CPLX1: variants seen among roughly 807,000 people sequenced by gnomAD.
CPLX1 encodes the protein complexin-1.
CPLX1 carries 6 observed loss-of-function variants against 15.6 expected under a neutral mutation model. That is an observed-to-expected ratio of 0.39 (90% CI 0.21 to 0.76). CPLX1 has a LOEUF of 0.76. Ranked by LOEUF, CPLX1 falls within the 30% of genes least tolerant of loss-of-function variation. CPLX1 has a pLI of 0.43. For missense variants in CPLX1, 242 were observed against 188.6 expected (o/e 1.28, Z -1.66); for synonymous variants, 91 against 75.2 (o/e 1.21, Z -1.08).
chr4:818,065 GA>G (rs1746794289), intron 2 of CPLX1, among the ~76,000 whole-genome samples: 1 of 152,242 alleles, frequency 6.6e-6, no homozygotes, highest in Non-Finnish European at 1.5e-5. Flanking sequence ...TGGTGTAAAA[GA>G]AGGTTGGCTT....
At chr4:824,408 G>T in intron 2 of CPLX1, 84 bp downstream of exon 2, 1 of 1,259,516 alleles carries the variant, frequency 7.9e-7, no homozygotes, top group Non-Finnish European at 1.2e-6. Context: ...GGGCGCTGCT[G>T]CGGTGGGCCA....
At chr4:824,952 G>C (rs573407997) in intron 1 of CPLX1, 5 of 364,924 alleles carry the variant, frequency 1.4e-5, no homozygotes, top group Non-Finnish European at 2.7e-5. Flanking sequence ...TCAGTGTCTG[G>C]AGCGGCGCCT....
chr4:825,151 A>G (rs2152649362), intron 1 of CPLX1, among the ~76,000 whole-genome samples: 1 of 150,436 alleles, frequency 6.6e-6, no homozygotes, highest in Admixed American at 6.6e-5. Context: ...GAGAAACTTC[A>G]GGGGGCTCAG....
chr4:816,354 G>A (rs1401584367), intron 2 of CPLX1, among the ~76,000 whole-genome samples: 1 of 151,598 alleles, frequency 6.6e-6, no homozygotes, highest in Non-Finnish European at 1.5e-5. Flanking sequence ...GAGTAGCTGG[G>A]ATTACAGGCG....
At chr4:794,481 T>G (rs769284117) in intron 2 of CPLX1, among the ~76,000 whole-genome samples, 1 of 152,214 alleles carries the variant, frequency 6.6e-6, no homozygotes, top group Non-Finnish European at 1.5e-5. Context: ...GCAAAGCAGA[T>G]TTTAGGCCCA....
intron 2 of CPLX1, among the ~76,000 whole-genome samples, chr4:801,144 C>T (rs1322618393): frequency 6.7e-6 from 1 of 150,148 alleles, no homozygotes; most frequent in South Asian, 2.1e-4. Flanking sequence ...GAAACCCCAT[C>T]TCTACTAAAA....
At chr4:792,217 G>T (rs1746197887) in intron 3 of CPLX1, among the ~76,000 whole-genome samples, 1 of 152,212 alleles carries the variant, frequency 6.6e-6, no homozygotes, top group Admixed American at 6.5e-5. Flanking sequence ...CAGGGCTGGC[G>T]CTGTGGTCAG....
intron 3 of CPLX1, chr4:787,958 G>T (rs1256137068): frequency 3.0e-6 from 3 of 985,310 alleles, no homozygotes; most frequent in Non-Finnish European, 3.6e-6. Context: ...GGACCCCCGG[G>T]CCAGGTCCAA....
chr4:807,393 G>C (rs1169806460), intron 2 of CPLX1, among the ~76,000 whole-genome samples: 2 of 152,184 alleles, frequency 1.3e-5, no homozygotes, highest in Non-Finnish European at 2.9e-5. Context: ...GTGATAGGCT[G>C]GCAGGTGCAG....
At chr4:796,636 G>C (rs763297844) in intron 2 of CPLX1, among the ~76,000 whole-genome samples, 1 of 152,044 alleles carries the variant, frequency 6.6e-6, no homozygotes, top group Non-Finnish European at 1.5e-5. Context: ...ATAAAACTAC[G>C]GGGAAAATTA....
intron 3 of CPLX1, among the ~76,000 whole-genome samples, chr4:789,099 C>T (rs2152641839): frequency 6.6e-6 from 1 of 152,338 alleles, no homozygotes; most frequent in East Asian, 1.9e-4. Flanking sequence ...CATTCTGAGG[C>T]TGAGGTCACG....
At chr4:793,868 C>T (rs1746257915) in intron 2 of CPLX1, among the ~76,000 whole-genome samples, 1 of 152,230 alleles carries the variant, frequency 6.6e-6, no homozygotes, top group Non-Finnish European at 1.5e-5. Context: ...TGAGCCCATG[C>T]CTCGGGTAGA....
At chr4:816,768 G>A (rs779639054) in intron 2 of CPLX1, among the ~76,000 whole-genome samples, 3 of 152,190 alleles carry the variant, frequency 2.0e-5, no homozygotes, top group Non-Finnish European at 4.4e-5. Flanking sequence ...GCTGCAGTGA[G>A]CTGTGATCGC....
intron 2 of CPLX1, among the ~76,000 whole-genome samples, chr4:800,030 G>C (rs900982440): frequency 1.3e-5 from 2 of 152,290 alleles, no homozygotes; most frequent in South Asian, 4.1e-4. Context: ...GTGGGATGGA[G>C]GGGGCAGCCT....
intron 2 of CPLX1, among the ~76,000 whole-genome samples, chr4:809,671 C>T (rs756140554): frequency 5.3e-5 from 8 of 152,196 alleles, no homozygotes; most frequent in African/African-American, 7.2e-5. Flanking sequence ...TCTGTTTTGA[C>T]GCATGTATAT....
chr4:805,172 G>A (rs1253997021), intron 2 of CPLX1, among the ~76,000 whole-genome samples: 1 of 152,244 alleles, frequency 6.6e-6, no homozygotes, highest in African/African-American at 2.4e-5. Flanking sequence ...TGCAGCCGGA[G>A]AGCCACAGGC....
intron 2 of CPLX1, among the ~76,000 whole-genome samples, chr4:803,149 G>A (rs745424092): frequency 2.1e-4 from 32 of 152,186 alleles, no homozygotes; most frequent in Non-Finnish European, 2.9e-4. Flanking sequence ...AAGACAGGAA[G>A]AGATAATTAA....
intron 2 of CPLX1, among the ~76,000 whole-genome samples, chr4:809,019 C>T (rs1216246713): frequency 2.0e-5 from 3 of 152,248 alleles, no homozygotes; most frequent in South Asian, 2.1e-4. Flanking sequence ...AGTGCGCGGG[C>T]GGCAGGCCGG....
At chr4:814,689 G>A (rs1015798924) in intron 2 of CPLX1, among the ~76,000 whole-genome samples, 2 of 152,268 alleles carry the variant, frequency 1.3e-5, no homozygotes, top group African/African-American at 4.8e-5. Context: ...CCCCAGGCCA[G>A]GTTTTCCCCA....
Sources: allele counts gnomAD v4.1 joint callset (sites outside exome capture counted in the v4.1 genomes callset), GRCh38; gene constraint gnomAD v4.1.1; transcripts MANE v1.5; gene names NCBI Gene and HGNC (gene_info 2026-07-23, HGNC 2026-07-21).